FRYL: variants seen among roughly 807,000 people sequenced by gnomAD.
FRYL encodes FRY like transcription coactivator.
A neutral mutation model predicts 351.2 loss-of-function variants in FRYL; 150 were observed. The ratio of observed to expected loss-of-function variants is 0.43; its 90% CI spans 0.37 to 0.49. FRYL has a LOEUF of 0.49. Among genes scored for constraint, FRYL ranks in the 20% least tolerant of loss-of-function variants. FRYL has a pLI of 0.00. For missense variants in FRYL, 3,036 were observed against 3,619.3 expected (o/e 0.84, Z 4.13); for synonymous variants, 1,153 against 1,257.1 (o/e 0.92, Z 1.75).
chr4:48,547,753 G>A lies in FRYL; in HGVS notation c.4905C>T (p.His1635=). The part of the protein sequence containing the change: ...HAIFIGFDHC[H]PEVYEHCKRL... Reference sequence around the variant, plus strand: ...GTTTACAATGTTCATACACCTCAGGGTGGCAGTGGTCAAACCCTAAAAAGG... The same window carrying A: ...GTTTACAATGTTCATACACCTCAGGATGGCAGTGGTCAAACCCTAAAAAGG... Residue 1635 remains histidine, a synonymous_variant, in exon 41 of 64, where the codon CAC becomes CAT. Transcript: ENST00000358350. The A allele has an allele frequency of 1.3e-6, 2 of 1,519,364 alleles. No individual in the cohort carries two copies. The highest frequency in any genetic ancestry group is 1.8e-6 in the Non-Finnish European group (2 of 1,120,290). 94.1% of individuals were successfully genotyped at this position (1,519,364 alleles called of 1,614,324 possible). A position where few individuals can be genotyped will look rare whatever the true frequency, so the allele number is the denominator to read the frequency against.
intron 3 of FRYL, among the ~76,000 whole-genome samples, chr4:48,657,256 A>C (rs1221860614): frequency 1.3e-5 from 2 of 152,046 alleles, no homozygotes; most frequent in African/African-American, 4.8e-5. Context: ...CTGCAGCCTC[A>C]AACTCCTGGG....
At position 48,576,143 on chromosome 4, in the gene FRYL, G is replaced by A. The variant is rs1739546380; in HGVS notation, c.2608C>T (p.Leu870Phe). ...GACGATGTTGCTGCACTGCAGCAAA[G>A]GATCAGATAGTTTCTCCACAGGCCA... ...YIGLWRNYLI[L>F]CCSAATSSSS... Residue 870 changes from leucine (L) to phenylalanine (F), a missense_variant, in exon 24 of 64, where the codon CTT (leucine) becomes TTT (phenylalanine). Coordinates refer to ENST00000358350, the MANE Select transcript of FRYL (RefSeq NM_015030.2). 3.1e-6 allele frequency: 5 copies of A among 1,613,808 alleles called. No individual in the cohort carries two copies. The highest frequency in any genetic ancestry group is 1.1e-5 in the South Asian group (1 of 91,070).
intron 59 of FRYL, among the ~76,000 whole-genome samples, chr4:48,507,491 A>G (rs1335129118): frequency 6.6e-6 from 1 of 151,968 alleles, no homozygotes; most frequent in Non-Finnish European, 1.5e-5. Flanking sequence ...TGCAAGGACA[A>G]TGATGGAAGC....
chr4:48,728,646 G>C (rs540150915), intron 1 of FRYL, among the ~76,000 whole-genome samples: 40 of 152,264 alleles, frequency 2.6e-4, no homozygotes, highest in Middle Eastern at 3.4e-3. Context: ...ACAAAATCCT[G>C]AAAGAAGCCA....
At chr4:48,534,182 C>T (rs1195662596) in intron 49 of FRYL, among the ~76,000 whole-genome samples, 6 of 152,146 alleles carry the variant, frequency 3.9e-5, no homozygotes, top group East Asian at 1.9e-4. Context: ...GCCGAGACTG[C>T]GCCACTGCAC....
chr4:48,565,491 T>C (rs755989407), intron 29 of FRYL, 40 bp downstream of exon 29: 1 of 1,466,838 alleles, frequency 6.8e-7, no homozygotes, highest in Admixed American at 2.4e-5. Flanking sequence ...TACTTAACTC[T>C]GCTCTTAAGA....
rs1423983105 is a variant in FRYL at position 48,540,073 on chromosome 4, C to T, written c.6296-5G>A. On this transcript the variant is annotated splice_polypyrimidine_tract_variant and splice_region_variant and intron_variant, in intron 46 of 63. Transcript: ENST00000358350. ...AAAGGATGTTAAGAGGAAAGCCTAT[C>T]AAAACAAAAAAAAGCAAACAATAAC... is the stretch of plus-strand genomic sequence containing the variant. 1 of 1,595,436 alleles carries T rather than the reference C, an allele frequency of 6.3e-7. No homozygotes were observed. Among genetic ancestry groups the T allele is most frequent in the African/African-American group, 1.4e-5 (1 of 73,676 alleles).
chr4:48,653,868 C>G, intron 3 of FRYL: 1 of 1,284,212 alleles, frequency 7.8e-7, no homozygotes, highest in Non-Finnish European at 1.0e-6. Flanking sequence ...TTTTGCCGTT[C>G]TGTCTCTCCA....
At chr4:48,644,834 A>G (rs1331475504) in intron 3 of FRYL, among the ~76,000 whole-genome samples, 1 of 151,974 alleles carries the variant, frequency 6.6e-6, no homozygotes, top group East Asian at 1.9e-4. Flanking sequence ...TATATTTTTT[A>G]AAGATAAATG....
chr4:48,671,121 G>A (rs545499005), intron 3 of FRYL, among the ~76,000 whole-genome samples: 34 of 152,238 alleles, frequency 2.2e-4, no homozygotes, highest in African/African-American at 6.3e-4. Flanking sequence ...GTTACTGCCT[G>A]TCTTTTGGAT....
chr4:48,644,826 T>C (rs902891579), intron 3 of FRYL, among the ~76,000 whole-genome samples: 25 of 151,916 alleles, frequency 1.6e-4, no homozygotes, highest in African/African-American at 5.3e-4. Context: ...CAAAATTATA[T>C]ATTTTTTAAA....
intron 1 of FRYL, among the ~76,000 whole-genome samples, chr4:48,749,574 G>A (rs535812806): frequency 6.6e-6 from 1 of 152,276 alleles, no homozygotes; most frequent in African/African-American, 2.4e-5. Context: ...ATGACTTGCG[G>A]AGGATGGGGC....
At chr4:48,589,090 T>A (rs1328712437) in intron 18 of FRYL, among the ~76,000 whole-genome samples, 1 of 152,210 alleles carries the variant, frequency 6.6e-6, no homozygotes, top group Non-Finnish European at 1.5e-5. Context: ...AATTTGGTAT[T>A]CTAAGACCTA....
rs1718779234 is a variant in FRYL at position 48,498,012 on chromosome 4, G to C, written c.*1410C>G. Reference sequence around the variant, plus strand: ...TTAAAAGAAAAGTCACAGTGGATAAGAGATGTATATAAAAAATACAAGGTG... The same window carrying C: ...TTAAAAGAAAAGTCACAGTGGATAACAGATGTATATAAAAAATACAAGGTG... On this transcript the variant is annotated 3_prime_UTR_variant, in exon 64 of 64. Transcript: ENST00000358350. The C allele has an allele frequency of 6.6e-6, 1 of 151,754 alleles. No homozygotes were observed. Among genetic ancestry groups the C allele is most frequent in the Non-Finnish European group, 1.5e-5 (1 of 67,888 alleles). The allele number at this position is 151,754 out of a possible 1,614,324, so 9.4% of individuals were successfully genotyped here.
chr4:48,604,902 T>C (rs1249052966), intron 11 of FRYL, among the ~76,000 whole-genome samples: 1 of 151,188 alleles, frequency 6.6e-6, no homozygotes, highest in Non-Finnish European at 1.5e-5. Flanking sequence ...TAAAACCTAA[T>C]CTCAGCCATC....
rs764177697 is a variant in FRYL, at chr4:48,623,194, AAC to A, written c.121-17_121-16del. On this transcript the variant is annotated splice_polypyrimidine_tract_variant and intron_variant, in intron 4 of 63. Coordinates refer to ENST00000358350, the MANE Select transcript of FRYL (RefSeq NM_015030.2). ...AATAGCTTCTCCTATGATTAAAAAA[AAC>A]AAACATTAAAAATAAAAATAAAGCA... is the stretch of plus-strand genomic sequence containing the variant. 634 of 1,277,998 alleles carry A rather than the reference AAC, an allele frequency of 5.0e-4. No individual in the cohort carries two copies. Among genetic ancestry groups the A allele is most frequent in the Non-Finnish European group, 5.5e-4 (501 of 919,062 alleles). The allele number at this position is 1,277,998 out of a possible 1,614,324, so 79.2% of individuals were successfully genotyped here. A position where few individuals can be genotyped will look rare whatever the true frequency, so the allele number is the denominator to read the frequency against.
At chr4:48,623,097 A>G (rs774087759) in intron 5 of FRYL, 29 bp downstream of exon 5, 6 of 1,426,100 alleles carry the variant, frequency 4.2e-6, no homozygotes, top group Non-Finnish European at 5.8e-6. Flanking sequence ...TTTCCAGGGG[A>G]AAAAAAAATT....
At chr4:48,558,720 G>GT (rs1347033757) in intron 33 of FRYL, among the ~76,000 whole-genome samples, 2 of 152,216 alleles carry the variant, frequency 1.3e-5, no homozygotes, top group African/African-American at 4.8e-5. Context: ...TGCCTATGAT[G>GT]TGCCTGTTAC....
intron 55 of FRYL, among the ~76,000 whole-genome samples, chr4:48,517,547 T>C (rs1723889171): frequency 1.3e-5 from 2 of 152,214 alleles, no homozygotes; most frequent in African/African-American, 4.8e-5. Flanking sequence ...CATGCACATA[T>C]GCTTTGTTAC....
Sources: allele counts gnomAD v4.1 joint callset (sites outside exome capture counted in the v4.1 genomes callset), GRCh38; gene constraint gnomAD v4.1.1; transcripts MANE v1.5; gene names NCBI Gene and HGNC (gene_info 2026-07-23, HGNC 2026-07-21).